Variants in CSMD3 observed in about 807,000 individuals in gnomAD.
The protein encoded by CSMD3 is CUB and Sushi multiple domains 3, also known as CUB and sushi domain-containing protein 3.
In CSMD3, 177 loss-of-function variants were observed where a neutral mutation model predicts 435.2. The ratio of observed to expected loss-of-function variants is 0.41; its 90% CI spans 0.36 to 0.46. CSMD3 has a LOEUF of 0.46. Ranked by LOEUF, CSMD3 falls within the 20% of genes least tolerant of loss-of-function variation. The probability of loss-of-function intolerance (pLI) is 0.34; values close to 1 mark genes in which losing one functional copy is unlikely to be tolerated. For missense variants in CSMD3, 4,265 were observed against 4,504.6 expected (o/e 0.95, Z 1.52); for synonymous variants, 1,656 against 1,520.5 (o/e 1.09, Z -2.07).
chr8:112,344,010 G>A (rs779903327), intron 41 of CSMD3, among the ~76,000 whole-genome samples: 1 of 152,152 alleles, frequency 6.6e-6, no homozygotes, highest in African/African-American at 2.4e-5. Context: ...AGCCTCCAGA[G>A]TAGCTGCGAC....
At chr8:112,602,940 G>T (rs1332652805) in intron 22 of CSMD3, among the ~76,000 whole-genome samples, 1 of 152,134 alleles carries the variant, frequency 6.6e-6, no homozygotes, top group Admixed American at 6.5e-5. Context: ...GAGAGACAAA[G>T]TCTTGCTCTG....
intron 13 of CSMD3, among the ~76,000 whole-genome samples, chr8:112,750,553 T>C (rs1213271284): frequency 1.3e-5 from 2 of 151,970 alleles, no homozygotes; most frequent in East Asian, 3.9e-4. Context: ...TTTTTAACAG[T>C]ATGACTGCAT....
intron 4 of CSMD3, among the ~76,000 whole-genome samples, chr8:113,126,617 G>A (rs892101498): frequency 1.3e-5 from 2 of 151,748 alleles, no homozygotes; most frequent in African/African-American, 4.8e-5. Flanking sequence ...AGATTGTCCA[G>A]GAAATAGTAT....
At chr8:112,655,188 G>A (rs907214749) in intron 18 of CSMD3, among the ~76,000 whole-genome samples, 1 of 152,070 alleles carries the variant, frequency 6.6e-6, no homozygotes, top group Non-Finnish European at 1.5e-5. Flanking sequence ...GAAGATAGAT[G>A]CCCAACAGCA....
chr8:113,169,752 T>C (rs2092232750), intron 4 of CSMD3, among the ~76,000 whole-genome samples: 1 of 152,194 alleles, frequency 6.6e-6, no homozygotes, highest in Admixed American at 6.5e-5. Context: ...AACATAGGAA[T>C]AGCATAACCA....
At chr8:112,504,649 A>G (rs998788893) in intron 29 of CSMD3, among the ~76,000 whole-genome samples, 1 of 152,134 alleles carries the variant, frequency 6.6e-6, no homozygotes, top group African/African-American at 2.4e-5. Context: ...GTAATGTGAA[A>G]AAGGATATTT....
chr8:113,364,602 A>G (rs998027182), intron 1 of CSMD3, among the ~76,000 whole-genome samples: 1 of 152,144 alleles, frequency 6.6e-6, no homozygotes, highest in Non-Finnish European at 1.5e-5. Context: ...TCTAAACGAT[A>G]CCAGTTATAC....
chr8:112,369,682 G>A (rs1297346127), intron 38 of CSMD3, among the ~76,000 whole-genome samples: 1 of 151,952 alleles, frequency 6.6e-6, no homozygotes, highest in African/African-American at 2.4e-5. Flanking sequence ...TGGACACAGG[G>A]AGGGGAACAT....
chr8:112,911,920 C>A (rs1373958675), intron 10 of CSMD3, among the ~76,000 whole-genome samples: 1 of 130,274 alleles, frequency 7.7e-6, no homozygotes, highest in African/African-American at 2.9e-5. Context: ...CTTTATGAGG[C>A]ATGAATTTTT....
At chr8:113,065,425 C>T (rs1275670679) in intron 5 of CSMD3, among the ~76,000 whole-genome samples, 1 of 151,978 alleles carries the variant, frequency 6.6e-6, no homozygotes, top group African/African-American at 2.4e-5. Context: ...CTCGCTCTGT[C>T]GCCCAGGATG....
At chr8:112,653,076 A>G (rs2075168640) in intron 18 of CSMD3, among the ~76,000 whole-genome samples, 1 of 152,132 alleles carries the variant, frequency 6.6e-6, no homozygotes. Flanking sequence ...CTCAGCCTCC[A>G]AAGTGCTGGG....
chr8:113,315,412 G>A (rs560298510), intron 1 of CSMD3, among the ~76,000 whole-genome samples: 71 of 151,932 alleles, frequency 4.7e-4, no homozygotes, highest in African/African-American at 1.5e-3. Flanking sequence ...TGAATCCGAA[G>A]GTCAGGACAA....
intron 5 of CSMD3, among the ~76,000 whole-genome samples, chr8:113,034,170 G>C (rs2087242046): frequency 6.6e-6 from 1 of 151,284 alleles, no homozygotes; most frequent in African/African-American, 2.4e-5. Context: ...GGATCTCTCT[G>C]TATTATTTAT....
At chr8:112,307,867 T>A (rs1383297014) in intron 50 of CSMD3, among the ~76,000 whole-genome samples, 3 of 152,186 alleles carry the variant, frequency 2.0e-5, no homozygotes, top group Admixed American at 2.0e-4. Flanking sequence ...ATAAATGCTA[T>A]GTACTATTCA....
chr8:113,214,269 G>A (rs2092874640), intron 3 of CSMD3, among the ~76,000 whole-genome samples: 1 of 151,886 alleles, frequency 6.6e-6, no homozygotes, highest in Non-Finnish European at 1.5e-5. Context: ...GATTTATGAG[G>A]TGCATGTGAA....
intron 3 of CSMD3, among the ~76,000 whole-genome samples, chr8:113,250,907 G>C (rs1238318492): frequency 6.6e-6 from 1 of 151,794 alleles, no homozygotes; most frequent in Non-Finnish European, 1.5e-5. Context: ...AATAGAATTG[G>C]GCATTCAAAA....
intron 7 of CSMD3, among the ~76,000 whole-genome samples, chr8:112,962,557 C>A (rs2084270476): frequency 6.6e-6 from 1 of 151,146 alleles, no homozygotes; most frequent in African/African-American, 2.4e-5. Flanking sequence ...CAGAAAGAAA[C>A]AGAAGAAAAT....
chr8:112,782,923 T>C (rs1489831656), intron 13 of CSMD3, among the ~76,000 whole-genome samples: 2 of 152,070 alleles, frequency 1.3e-5, no homozygotes, highest in East Asian at 1.9e-4. Context: ...ACATCAGACC[T>C]GTCCTATAAG....
chr8:112,328,060 G>A (rs1413025590), intron 45 of CSMD3, among the ~76,000 whole-genome samples: 1 of 152,122 alleles, frequency 6.6e-6, no homozygotes, highest in Non-Finnish European at 1.5e-5. Context: ...TTTCTGCCAA[G>A]TAAGGACACA....
Sources: allele counts gnomAD v4.1 joint callset (sites outside exome capture counted in the v4.1 genomes callset), GRCh38; gene constraint gnomAD v4.1.1; transcripts MANE v1.5; gene names NCBI Gene and HGNC (gene_info 2026-07-23, HGNC 2026-07-21).